The following ROBO1 variants were observed in gnomAD, a reference collection of about 807,000 sequenced individuals.
The protein encoded by ROBO1 is roundabout guidance receptor 1.
A neutral mutation model predicts 195.9 loss-of-function variants in ROBO1; 149 were observed. The ratio of observed to expected loss-of-function variants is 0.76; its 90% CI spans 0.67 to 0.87. ROBO1 has a LOEUF of 0.87. Ranked by LOEUF, ROBO1 falls within the 40% of genes least tolerant of loss-of-function variation. ROBO1 has a pLI of 0.00. For missense variants in ROBO1, 1,933 were observed against 2,068.3 expected (o/e 0.93, Z 1.27); for synonymous variants, 816 against 733.2 (o/e 1.11, Z -1.82).
At chr3:78,853,221 CGGGAGAGGTGAT>C (rs762408484) in intron 4 of ROBO1, among the ~76,000 whole-genome samples, 1 of 150,828 alleles carries the variant, frequency 6.6e-6, no homozygotes, top group Admixed American at 6.6e-5. Context: ...AAAAGGAGTA[CGGGAGAGGTGAT>C]GGGAGGGAGG....
chr3:79,574,536 A>C (rs1420313602), intron 2 of ROBO1, among the ~76,000 whole-genome samples: 1 of 152,032 alleles, frequency 6.6e-6, no homozygotes, highest in African/African-American at 2.4e-5. Context: ...AATTAAGTCA[A>C]TTAAGTCCAG....
At chr3:79,691,897 A>G (rs1018327439) in intron 1 of ROBO1, among the ~76,000 whole-genome samples, 3 of 151,900 alleles carry the variant, frequency 2.0e-5, no homozygotes, top group Non-Finnish European at 2.9e-5. Flanking sequence ...TTGATTTCTC[A>G]TTCATGAAGC....
At chr3:79,306,953 G>A in intron 2 of ROBO1, among the ~76,000 whole-genome samples, 1 of 152,032 alleles carries the variant, frequency 6.6e-6, no homozygotes, top group South Asian at 2.1e-4. Context: ...AAATGTTTCA[G>A]TCAATTGTTC....
intron 1 of ROBO1, among the ~76,000 whole-genome samples, chr3:79,740,022 C>A (rs1180098971): frequency 6.6e-6 from 1 of 151,582 alleles, no homozygotes; most frequent in Admixed American, 6.6e-5. Flanking sequence ...TTTTATTTTT[C>A]TTTATTTTAT....
chr3:79,043,620 G>A (rs2078530086), intron 3 of ROBO1, among the ~76,000 whole-genome samples: 1 of 151,762 alleles, frequency 6.6e-6, no homozygotes, highest in South Asian at 2.1e-4. Flanking sequence ...TAAGATTTAA[G>A]GGGAAAAATA....
intron 2 of ROBO1, among the ~76,000 whole-genome samples, chr3:79,493,790 T>C (rs1210655907): frequency 1.3e-5 from 2 of 152,164 alleles, no homozygotes; most frequent in African/African-American, 2.4e-5. Flanking sequence ...GTAATAATCA[T>C]ATCAAGGTAA....
intron 22 of ROBO1, 51 bp downstream of exon 22, chr3:78,639,693 G>A: frequency 6.6e-7 from 1 of 1,514,614 alleles, no homozygotes; most frequent in Non-Finnish European, 9.0e-7. Flanking sequence ...AGATCTTCTG[G>A]CTAGTTCCTT....
intron 2 of ROBO1, among the ~76,000 whole-genome samples, chr3:79,430,813 T>A (rs1005914091): frequency 3.3e-5 from 5 of 152,158 alleles, no homozygotes; most frequent in African/African-American, 1.2e-4. Context: ...TCAGTTAAAA[T>A]GAGATTATAA....
At chr3:79,595,464 T>A (rs1229931019) in intron 1 of ROBO1, among the ~76,000 whole-genome samples, 1 of 152,050 alleles carries the variant, frequency 6.6e-6, no homozygotes, top group Admixed American at 6.6e-5. Context: ...GTGGCTCTCT[T>A]CTTTTCTTAC....
chr3:78,772,674 T>A (rs2083406485), intron 4 of ROBO1, among the ~76,000 whole-genome samples: 1 of 152,108 alleles, frequency 6.6e-6, no homozygotes. Flanking sequence ...TATTTTCATA[T>A]ATAACTATAC....
intron 3 of ROBO1, among the ~76,000 whole-genome samples, chr3:79,089,599 GAT>G (rs2079438445): frequency 6.6e-6 from 1 of 152,032 alleles, no homozygotes; most frequent in Non-Finnish European, 1.5e-5. Context: ...TTCATAACTT[GAT>G]AATTATCAGC....
chr3:78,607,263 A>G (rs1703522040), intron 28 of ROBO1: 3 of 513,104 alleles, frequency 5.8e-6, no homozygotes, highest in South Asian at 2.5e-5. Flanking sequence ...TTCAGGCTAC[A>G]GTGCAGGTGC....
chr3:79,233,984 T>C (rs974315129), intron 2 of ROBO1, among the ~76,000 whole-genome samples: 14 of 152,134 alleles, frequency 9.2e-5, no homozygotes, highest in Non-Finnish European at 1.9e-4. Context: ...CACTTGTACG[T>C]CTTCTTTGAG....
Position 79,522,203 on chromosome 3 carries a change from A to G in ROBO1, c.88+67621T>C, listed in dbSNP as rs1387419243. On this transcript the variant is annotated intron_variant, in intron 2 of 30. Coordinates refer to ENST00000464233, the MANE Select transcript of ROBO1 (RefSeq NM_002941.4). ...ACTTACTGGTAATTGTATTGCTACAATGGAACCCAAACTTCTGAGGATTGC... is the reference window on the plus strand; with the variant it reads ...ACTTACTGGTAATTGTATTGCTACAGTGGAACCCAAACTTCTGAGGATTGC... Among the ~76,000 whole-genome samples, 10 of 152,284 alleles carry G rather than the reference A, an allele frequency of 6.6e-5. No individual in the cohort carries two copies. In the East Asian group the frequency reaches 1.4e-3, roughly 21 times the overall value.
At chr3:78,785,280 T>C (rs967119133) in intron 4 of ROBO1, among the ~76,000 whole-genome samples, 3 of 152,190 alleles carry the variant, frequency 2.0e-5, no homozygotes, top group Non-Finnish European at 4.4e-5. Flanking sequence ...TCTGAGTCTT[T>C]TTCTTTAGTT....
chr3:79,589,684 C>T (rs901763291), intron 2 of ROBO1, 140 bp downstream of exon 2: 3 of 650,534 alleles, frequency 4.6e-6, no homozygotes, highest in Non-Finnish European at 8.1e-6. Flanking sequence ...AGCACTCATA[C>T]TCAAGAAGAC....
chr3:79,295,960 GTTT>G (rs1409477838), intron 2 of ROBO1, among the ~76,000 whole-genome samples: 1 of 152,052 alleles, frequency 6.6e-6, no homozygotes, highest in South Asian at 2.1e-4. Flanking sequence ...TAAATATTAA[GTTT>G]TTTTAATTAA....
In ROBO1 at chr3:78,968,188, T is replaced by C. The variant is rs111887385; in HGVS notation, c.173-29261A>G. 8.5e-3 allele frequency among the ~76,000 whole-genome samples: 1,301 copies of C among 152,164 alleles called. 18 individuals are homozygous for C. The highest frequency in any genetic ancestry group is 0.03 in the African/African-American group (1,239 of 41,506). ...TTTCTATGTCAATTTTATAAGGACCTTGAATGCTAACAAAACACTCAGGTG... is the reference window on the plus strand; with the variant it reads ...TTTCTATGTCAATTTTATAAGGACCCTGAATGCTAACAAAACACTCAGGTG... On this transcript the variant is annotated intron_variant, in intron 3 of 30. Coordinates refer to ENST00000464233, the MANE Select transcript of ROBO1 (RefSeq NM_002941.4).
chr3:78,823,426 G>C (rs1331883330), intron 4 of ROBO1, among the ~76,000 whole-genome samples: 1 of 152,118 alleles, frequency 6.6e-6, no homozygotes, highest in East Asian at 1.9e-4. Context: ...AGATCTAAGA[G>C]GGAAATAAGG....
Sources: gnomAD v4.1 joint callset for allele counts (sites outside exome capture counted in the v4.1 genomes callset) on GRCh38, gnomAD v4.1.1 for gene constraint, MANE v1.5 for transcripts, NCBI Gene and HGNC (gene_info 2026-07-23, HGNC 2026-07-21) for gene names.